RABGAP1L: variants seen among roughly 807,000 people sequenced by gnomAD.
RABGAP1L encodes the protein RAB GTPase activating protein 1 like, also known as rab GTPase-activating protein 1-like.
In RABGAP1L, 63 loss-of-function variants were observed where a neutral mutation model predicts 137.7. That is an observed-to-expected ratio of 0.46 (90% CI 0.37 to 0.56). The LOEUF (loss-of-function observed/expected upper bound fraction) is 0.56, where lower values mean the gene tolerates loss of function less well. Ranked by LOEUF, RABGAP1L falls within the 20% of genes least tolerant of loss-of-function variation. The pLI, the probability that RABGAP1L is intolerant of heterozygous loss-of-function variation, is 0.00. For synonymous variants in RABGAP1L, 431 were observed against 433.7 expected (o/e 0.99, Z 0.08); for missense variants, 1,095 against 1,244.0 (o/e 0.88, Z 1.80).
chr1:174,515,040 A>G (rs1018118961), intron 13 of RABGAP1L, among the ~76,000 whole-genome samples: 3 of 152,132 alleles, frequency 2.0e-5, no homozygotes, highest in Admixed American at 1.3e-4. Context: ...AAAAGTTACT[A>G]TTTTCCAGTA....
intron 13 of RABGAP1L, among the ~76,000 whole-genome samples, chr1:174,401,603 A>G (rs1359266547): frequency 6.6e-6 from 1 of 152,168 alleles, no homozygotes; most frequent in South Asian, 2.1e-4. Context: ...GGAAGTGTGT[A>G]GCACCCTGTT....
At chr1:174,165,397 G>A (rs1219065629) in intron 1 of RABGAP1L, among the ~76,000 whole-genome samples, 1 of 152,072 alleles carries the variant, frequency 6.6e-6, no homozygotes, top group East Asian at 1.9e-4. Flanking sequence ...TGATCCATCC[G>A]CCTCAGCCTC....
intron 14 of RABGAP1L, among the ~76,000 whole-genome samples, chr1:174,664,560 T>A (rs1676606032): frequency 6.6e-6 from 1 of 152,072 alleles, no homozygotes; most frequent in Non-Finnish European, 1.5e-5. Flanking sequence ...TTTGAAAAAG[T>A]AACAGAAGTA....
intron 13 of RABGAP1L, chr1:174,545,786 C>A (rs991866182): frequency 6.6e-6 from 1 of 152,154 alleles, no homozygotes; most frequent in African/African-American, 2.4e-5. Context: ...GTAGAAGTTA[C>A]CTAATTGCTT....
At chr1:174,636,541 A>G (rs575397170) in intron 13 of RABGAP1L, among the ~76,000 whole-genome samples, 2 of 152,158 alleles carry the variant, frequency 1.3e-5, no homozygotes, top group East Asian at 3.9e-4. Flanking sequence ...AAAAAAAAAA[A>G]AAGAGATCAT....
At chr1:174,710,397 G>A (rs1341083030) in intron 17 of RABGAP1L, among the ~76,000 whole-genome samples, 4 of 152,134 alleles carry the variant, frequency 2.6e-5, no homozygotes, top group African/African-American at 9.7e-5. Flanking sequence ...ATGTTGAAAT[G>A]AAGGAAAAAA....
At chr1:174,779,972 A>T (rs986941125) in intron 18 of RABGAP1L, among the ~76,000 whole-genome samples, 2 of 151,980 alleles carry the variant, frequency 1.3e-5, no homozygotes, top group African/African-American at 4.8e-5. Context: ...AGGCTGAGGC[A>T]GGAGAATTGC....
intron 13 of RABGAP1L, among the ~76,000 whole-genome samples, chr1:174,415,996 A>C (rs931670032): frequency 2.7e-5 from 4 of 148,154 alleles, no homozygotes; most frequent in African/African-American, 7.6e-5. Flanking sequence ...TTAAGTACTT[A>C]AGGAATTTCC....
chr1:174,167,710 G>A (rs902985156), intron 1 of RABGAP1L, among the ~76,000 whole-genome samples: 2 of 152,126 alleles, frequency 1.3e-5, no homozygotes, highest in Non-Finnish European at 2.9e-5. Context: ...AAGACTTTAA[G>A]AATCAGACTT....
intron 19 of RABGAP1L, among the ~76,000 whole-genome samples, chr1:174,921,220 G>A (rs1234004736): frequency 6.6e-6 from 1 of 152,130 alleles, no homozygotes; most frequent in Non-Finnish European, 1.5e-5. Flanking sequence ...ACTGCGCCCG[G>A]CCCAGTCTGT....
At chr1:174,183,438 T>C (rs946961537) in intron 1 of RABGAP1L, among the ~76,000 whole-genome samples, 1 of 152,164 alleles carries the variant, frequency 6.6e-6, no homozygotes, top group Non-Finnish European at 1.5e-5. Flanking sequence ...GTAACCGGCC[T>C]AAAGATATAC....
chr1:174,209,415 T>G (rs1668717598), intron 1 of RABGAP1L, among the ~76,000 whole-genome samples: 1 of 152,122 alleles, frequency 6.6e-6, no homozygotes, highest in Admixed American at 6.5e-5. Flanking sequence ...AGAAACTGAC[T>G]GAAGAGCCCT....
chr1:174,664,965 G>A (rs1232695600), intron 14 of RABGAP1L, among the ~76,000 whole-genome samples: 2 of 151,982 alleles, frequency 1.3e-5, no homozygotes, highest in African/African-American at 2.4e-5. Flanking sequence ...TCAACCTCCC[G>A]ACCTCAGGTG....
chr1:174,836,893 G>T (rs1220454606), intron 19 of RABGAP1L, among the ~76,000 whole-genome samples: 1 of 152,140 alleles, frequency 6.6e-6, no homozygotes, highest in Admixed American at 6.5e-5. Context: ...AAAGTAGTGT[G>T]GTATGTATCT....
intron 13 of RABGAP1L, among the ~76,000 whole-genome samples, chr1:174,615,968 A>T (rs1476827377): frequency 6.6e-6 from 1 of 152,222 alleles, no homozygotes; most frequent in African/African-American, 2.4e-5. Context: ...CCGATTTTCC[A>T]GGTGCCGTCT....
At chr1:174,708,847 G>T (rs1680259653) in intron 17 of RABGAP1L, among the ~76,000 whole-genome samples, 1 of 152,288 alleles carries the variant, frequency 6.6e-6, no homozygotes, top group East Asian at 1.9e-4. Context: ...TGGAAAGGGG[G>T]CTGAAGCCAG....
intron 20 of RABGAP1L, among the ~76,000 whole-genome samples, chr1:174,959,576 ACTT>A (rs1158425518): frequency 6.6e-6 from 1 of 152,144 alleles, no homozygotes; most frequent in Admixed American, 6.6e-5. Context: ...GTAGGATTAA[ACTT>A]CTTGTTTTGA....
intron 19 of RABGAP1L, among the ~76,000 whole-genome samples, chr1:174,914,889 A>T (rs550864029): frequency 6.6e-6 from 1 of 152,190 alleles, no homozygotes; most frequent in Non-Finnish European, 1.5e-5. Context: ...TGTATGTATA[A>T]ATGGAACCAT....
intron 1 of RABGAP1L, among the ~76,000 whole-genome samples, chr1:174,178,194 A>T (rs1571390622): frequency 1.3e-5 from 2 of 152,096 alleles, no homozygotes; most frequent in African/African-American, 4.8e-5. Context: ...GAGGTCCTTC[A>T]TGTCCCTTAT....
Sources: gnomAD v4.1 joint callset for allele counts (sites outside exome capture counted in the v4.1 genomes callset) on GRCh38, gnomAD v4.1.1 for gene constraint, MANE v1.5 for transcripts, NCBI Gene and HGNC (gene_info 2026-07-23, HGNC 2026-07-21) for gene names.